NGF: variants seen among roughly 807,000 people sequenced by gnomAD.
NGF encodes nerve growth factor.
In NGF, 4 loss-of-function variants were observed where a neutral mutation model predicts 12.8. The ratio of observed to expected loss-of-function variants is 0.31; its 90% confidence interval spans 0.15 to 0.72. The LOEUF is 0.72. NGF is among the 30% of genes least tolerant of loss of function. NGF has a pLI of 0.69. For missense variants in NGF, 283 were observed against 330.8 expected (o/e 0.86, Z 1.12); for synonymous variants, 140 against 130.0 (o/e 1.08, Z -0.52).
At chr1:115,312,352 C>T (rs1449399752) in intron 1 of NGF, among the ~76,000 whole-genome samples, 36 of 152,042 alleles carry the variant, frequency 2.4e-4, no homozygotes, top group Admixed American at 2.4e-3. Flanking sequence ...CATTGGATGA[C>T]CTACTGTGTG....
At chr1:115,313,793 CA>C (rs1654400046) in intron 1 of NGF, among the ~76,000 whole-genome samples, 1 of 152,160 alleles carries the variant, frequency 6.6e-6, no homozygotes, top group Non-Finnish European at 1.5e-5. Context: ...TCTATTTAAA[CA>C]TTTGAGCCTG....
At chr1:115,312,544 G>T (rs1413616570) in intron 1 of NGF, among the ~76,000 whole-genome samples, 1 of 152,204 alleles carries the variant, frequency 6.6e-6, no homozygotes, top group African/African-American at 2.4e-5. Flanking sequence ...ACAGAAGCCT[G>T]TATCACATGA....
chr1:115,329,112 AGAG>A (rs909124373), intron 1 of NGF, among the ~76,000 whole-genome samples: 4 of 152,056 alleles, frequency 2.6e-5, no homozygotes, highest in East Asian at 1.9e-4. Context: ...AGGGAAAAGA[AGAG>A]GAGGAGGAAG....
chr1:115,288,828 G>C (rs1326638787), intron 2 of NGF, among the ~76,000 whole-genome samples: 11 of 152,220 alleles, frequency 7.2e-5, no homozygotes, highest in Admixed American at 6.5e-4. Flanking sequence ...AGTGGCAAGA[G>C]AAGCTCACCA....
chr1:115,297,536 A>G (rs972008741), intron 1 of NGF, among the ~76,000 whole-genome samples: 8 of 152,154 alleles, frequency 5.3e-5, no homozygotes, highest in African/African-American at 1.7e-4. Context: ...TAATATTTTG[A>G]TCAATTTCAG....
intron 1 of NGF, among the ~76,000 whole-genome samples, chr1:115,334,081 T>C (rs952350577): frequency 6.6e-6 from 1 of 152,198 alleles, no homozygotes; most frequent in African/African-American, 2.4e-5. Flanking sequence ...CTATTCTACT[T>C]GAGAATAAAC....
At chr1:115,335,999 C>T (rs1318182563) in intron 1 of NGF, among the ~76,000 whole-genome samples, 2 of 152,152 alleles carry the variant, frequency 1.3e-5, no homozygotes, top group African/African-American at 2.4e-5. Flanking sequence ...CTGCTGATGT[C>T]GGCAACCAGG....
intron 1 of NGF, among the ~76,000 whole-genome samples, chr1:115,314,206 C>T (rs557907982): frequency 2.0e-5 from 3 of 152,094 alleles, no homozygotes; most frequent in Non-Finnish European, 2.9e-5. Context: ...CATGGCGTAC[C>T]CTTCCCCTCC....
rs375238298 is a variant in NGF, at chr1:115,320,690, G to A, written c.-137+17514C>T. On this transcript the variant is annotated intron_variant, in intron 1 of 2. Transcript: ENST00000369512. ...CTGAAATTTACCATTTAATATTTTC[G>A]GACCACAACTGATCCCAGGTAACTG... is the stretch of plus-strand genomic sequence containing the variant. Among the ~76,000 whole-genome samples the A allele has an allele frequency of 1.9e-4, 29 of 152,168 alleles. No homozygotes were observed. The South Asian group carries it at 2.5e-3, about 13-fold the overall frequency.
At chr1:115,320,586 G>T (rs570073992) in intron 1 of NGF, among the ~76,000 whole-genome samples, 9 of 152,268 alleles carry the variant, frequency 5.9e-5, no homozygotes, top group African/African-American at 1.9e-4. Flanking sequence ...TCACGTTCCG[G>T]GCAGAAAAAG....
rs1653842141 is a variant in NGF at position 115,295,569 on chromosome 1, TG to T, written c.-136-1820del. On this transcript the variant is annotated intron_variant, in intron 1 of 2. Coordinates refer to ENST00000369512, the MANE Select transcript of NGF (RefSeq NM_002506.3). Reference sequence around the variant, plus strand: ...TCCATAAACCCTTCATCTGGGTGTTTGGCTAAACCTGAAAGGTTGCAGGCTG... The same window carrying T: ...TCCATAAACCCTTCATCTGGGTGTTTGCTAAACCTGAAAGGTTGCAGGCTG... Among the ~76,000 whole-genome samples, 4 of 152,264 alleles carry T rather than the reference TG, an allele frequency of 2.6e-5. No homozygotes were observed. In the South Asian group the frequency reaches 8.3e-4, roughly 32 times the overall value.
intron 2 of NGF, among the ~76,000 whole-genome samples, chr1:115,291,904 C>T (rs1347733012): frequency 6.6e-6 from 1 of 152,066 alleles, no homozygotes; most frequent in Non-Finnish European, 1.5e-5. Context: ...TTAGAGACAG[C>T]CATGCCAAGA....
At chr1:115,300,095 T>C (rs1653990055) in intron 1 of NGF, among the ~76,000 whole-genome samples, 1 of 152,234 alleles carries the variant, frequency 6.6e-6, no homozygotes, top group Non-Finnish European at 1.5e-5. Flanking sequence ...CTTTATAGGA[T>C]TGAATGTCCT....
At position 115,338,084 on chromosome 1, in the gene NGF, G is replaced by C. The variant is rs1257061053; in HGVS notation, c.-137+120C>G. The stretch of plus-strand genomic sequence containing the variant: ...TGCTCTTCGGCCTGCGGGAGCCTCG[G>C]GGGTAACCAGAGAGCTCGCCAGACC... On this transcript the variant is annotated intron_variant, in intron 1 of 2. Coordinates refer to ENST00000369512, the MANE Select transcript of NGF (RefSeq NM_002506.3). The C allele has an allele frequency of 2.6e-5, 4 of 152,374 alleles. No individual in the cohort carries two copies. In the East Asian group the frequency reaches 7.8e-4, roughly 30 times the overall value. 9.4% of individuals were successfully genotyped at this position (152,374 alleles called of 1,614,324 possible). A position where few individuals can be genotyped will look rare whatever the true frequency, so the allele number is the denominator to read the frequency against.
intron 1 of NGF, among the ~76,000 whole-genome samples, chr1:115,303,254 A>T (rs1654094599): frequency 6.6e-6 from 1 of 152,158 alleles, no homozygotes; most frequent in East Asian, 1.9e-4. Flanking sequence ...ACCTGTGTTC[A>T]TTAAGTCCCA....
intron 2 of NGF, among the ~76,000 whole-genome samples, chr1:115,289,211 C>CT (rs1653609184): frequency 1.3e-5 from 2 of 152,076 alleles, no homozygotes; most frequent in Admixed American, 1.3e-4. Flanking sequence ...ACTTTTGCTC[C>CT]TTTTCATGTT....
At chr1:115,306,526 T>C (rs1338705077) in intron 1 of NGF, among the ~76,000 whole-genome samples, 1 of 152,212 alleles carries the variant, frequency 6.6e-6, no homozygotes, top group Admixed American at 6.5e-5. Context: ...CTTTCTAGAA[T>C]AATAAAAATC....
intron 1 of NGF, among the ~76,000 whole-genome samples, chr1:115,305,275 T>A (rs10158276): frequency 0.3 from 45,981 of 152,082 alleles, 8,794 homozygotes; most frequent in Non-Finnish European, 0.43. Flanking sequence ...GAGGTTAGTA[T>A]CCTCTTCATT....
chr1:115,319,919 A>G (rs1336021503), intron 1 of NGF, among the ~76,000 whole-genome samples: 1 of 152,146 alleles, frequency 6.6e-6, no homozygotes, highest in Non-Finnish European at 1.5e-5. Context: ...GGTGGTTGAT[A>G]AATATCATTA....
Sources: gnomAD v4.1 joint callset for allele counts (sites outside exome capture counted in the v4.1 genomes callset) on GRCh38, gnomAD v4.1.1 for gene constraint, MANE v1.5 for transcripts, NCBI Gene and HGNC (gene_info 2026-07-23, HGNC 2026-07-21) for gene names.